The following ESR1 variants were observed in gnomAD, a reference collection of about 807,000 sequenced individuals.
ESR1 encodes estrogen receptor 1, also known as estrogen receptor.
ESR1 carries 12 observed loss-of-function variants against 52.7 expected under a neutral mutation model. That is an observed-to-expected ratio of 0.23 (90% CI 0.15 to 0.37). The LOEUF is 0.37. Ranked by LOEUF, ESR1 falls within the 10% of genes least tolerant of loss-of-function variation. ESR1 has a pLI of 1.00. For missense variants in ESR1, 584 were observed against 779.7 expected (o/e 0.75, Z 2.99); for synonymous variants, 305 against 316.8 (o/e 0.96, Z 0.39).
chr6:151,824,606 G>T (rs1781154702), intron 1 of ESR1, among the ~76,000 whole-genome samples: 2 of 152,150 alleles, frequency 1.3e-5, no homozygotes, highest in Admixed American at 6.5e-5. Flanking sequence ...ATGGTTTTAG[G>T]TCTAACATTT....
chr6:151,728,903 A>G lies in ESR1; in HGVS notation c.-71+26898A>G, dbSNP rs566221259. On this transcript the variant is annotated intron_variant, in intron 2 of 2. Transcript: ENST00000404742. ...TACTAAAATACAGGATTTGATCTAGAAAAGGTGATGCTAAAAATGCATGTA... is the reference window on the plus strand; with the variant it reads ...TACTAAAATACAGGATTTGATCTAGGAAAGGTGATGCTAAAAATGCATGTA... Among the ~76,000 whole-genome samples the G allele has an allele frequency of 3.3e-5, 5 of 152,364 alleles. No individual in the cohort carries two copies. In the East Asian group the frequency reaches 9.6e-4, roughly 29 times the overall value.
intron 2 of ESR1, among the ~76,000 whole-genome samples, chr6:151,752,957 T>G (rs1283928409): frequency 6.6e-6 from 1 of 152,228 alleles, no homozygotes; most frequent in East Asian, 1.9e-4. Context: ...AGTCATAATT[T>G]TTTAAAAGAG....
chr6:151,832,555 C>G (rs1782616855), intron 1 of ESR1, among the ~76,000 whole-genome samples: 1 of 152,196 alleles, frequency 6.6e-6, no homozygotes, highest in Admixed American at 6.5e-5. Context: ...TTTAGATGGA[C>G]TGGGATGTTG....
intron 5 of ESR1, among the ~76,000 whole-genome samples, chr6:152,023,959 A>G (rs1346059614): frequency 1.3e-5 from 2 of 152,164 alleles, no homozygotes; most frequent in East Asian, 3.8e-4. Flanking sequence ...TCATAGAAAG[A>G]GTTTCCGTGT....
intron 1 of ESR1, among the ~76,000 whole-genome samples, chr6:151,808,834 G>T (rs1778314382): frequency 6.6e-6 from 1 of 152,122 alleles, no homozygotes; most frequent in Non-Finnish European, 1.5e-5. Flanking sequence ...TTTGTTTAAT[G>T]TGCTCCCCAA....
chr6:151,744,109 T>G (rs902404147), intron 2 of ESR1, among the ~76,000 whole-genome samples: 1 of 152,230 alleles, frequency 6.6e-6, no homozygotes, highest in African/African-American at 2.4e-5. Context: ...CTGAACACTA[T>G]TCTACTATAT....
At chr6:151,962,059 T>C (rs1190767154) in intron 4 of ESR1, among the ~76,000 whole-genome samples, 3 of 152,126 alleles carry the variant, frequency 2.0e-5, no homozygotes. Context: ...GGAGTGGATG[T>C]TGAGTGGCTA....
intron 2 of ESR1, among the ~76,000 whole-genome samples, chr6:151,757,275 G>C (rs1784364063): frequency 6.6e-6 from 1 of 151,770 alleles, no homozygotes; most frequent in Admixed American, 6.6e-5. Flanking sequence ...CAAAAACAAG[G>C]CTGTACTACT....
At chr6:152,054,311 A>G (rs2046931094) in intron 5 of ESR1, among the ~76,000 whole-genome samples, 1 of 152,028 alleles carries the variant, frequency 6.6e-6, no homozygotes, top group South Asian at 2.1e-4. Context: ...ATCCTAACAT[A>G]CAGTTCCAGA....
chr6:151,736,375 G>GTTCTTTTTTTTTTTTTTTTTTTTTT (rs748276035), intron 2 of ESR1, among the ~76,000 whole-genome samples: 3 of 112,742 alleles, frequency 2.7e-5, no homozygotes, highest in African/African-American at 7.6e-5. Flanking sequence ...TCCAGGTAGT[G>GTTCTTTTTTTTTTTTTTTTTTTTTT]TTTTTTTTTT....
intron 5 of ESR1, among the ~76,000 whole-genome samples, chr6:152,055,388 C>T (rs1361737276): frequency 6.6e-6 from 1 of 152,232 alleles, no homozygotes; most frequent in Non-Finnish European, 1.5e-5. Context: ...GCCTTTCCCT[C>T]GTGACTTAAC....
chr6:151,860,030 T>C (rs1788591264), intron 2 of ESR1, among the ~76,000 whole-genome samples: 1 of 152,180 alleles, frequency 6.6e-6, no homozygotes, highest in Non-Finnish European at 1.5e-5. Context: ...ATAGATATCT[T>C]TCTGCTCTGA....
intron 1 of ESR1, among the ~76,000 whole-genome samples, chr6:151,658,858 T>C (rs1777542704): frequency 6.6e-6 from 1 of 152,184 alleles, no homozygotes; most frequent in South Asian, 2.1e-4. Context: ...ACAAAGCTAG[T>C]AAAGCAGCCA....
At chr6:151,740,285 A>ATTTTTTTTTTTTTTTTTTTTTTTTT (rs386408967) in intron 2 of ESR1, among the ~76,000 whole-genome samples, 1 of 108,008 alleles carries the variant, frequency 9.3e-6, no homozygotes, top group Non-Finnish European at 1.8e-5. Flanking sequence ...TGCCTGGCTA[A>ATTTTTTTTTTTTTTTTTTTTTTTTT]TTTTTTTTTT....
At chr6:152,119,605 C>T (rs1470419847) in intron 6 of ESR1, among the ~76,000 whole-genome samples, 1 of 152,224 alleles carries the variant, frequency 6.6e-6, no homozygotes, top group African/African-American at 2.4e-5. Flanking sequence ...TCACCCAGCA[C>T]TCACTTGGGA....
chr6:151,999,962 C>G (rs2041820799), intron 4 of ESR1, among the ~76,000 whole-genome samples: 1 of 151,962 alleles, frequency 6.6e-6, no homozygotes, highest in Non-Finnish European at 1.5e-5. Context: ...TGTGTTTCAA[C>G]CTATAAATTT....
intron 2 of ESR1, among the ~76,000 whole-genome samples, chr6:151,770,279 A>G (rs1785407476): frequency 6.6e-6 from 1 of 152,214 alleles, no homozygotes; most frequent in African/African-American, 2.4e-5. Context: ...ATTATGCAAT[A>G]CTTGCCATAG....
intron 4 of ESR1, among the ~76,000 whole-genome samples, chr6:151,977,654 G>A (rs909699698): frequency 1.3e-5 from 2 of 152,046 alleles, no homozygotes; most frequent in South Asian, 4.2e-4. Context: ...AATGAGCCTA[G>A]AGTGGTGGTG....
At chr6:152,071,526 C>T (rs2048349796) in intron 6 of ESR1, among the ~76,000 whole-genome samples, 1 of 152,106 alleles carries the variant, frequency 6.6e-6, no homozygotes, top group African/African-American at 2.4e-5. Context: ...ATTATAATAG[C>T]GTCTACCTCA....
Sources: allele counts gnomAD v4.1 joint callset (sites outside exome capture counted in the v4.1 genomes callset), GRCh38; gene constraint gnomAD v4.1.1; transcripts MANE v1.5; gene names NCBI Gene and HGNC (gene_info 2026-07-23, HGNC 2026-07-21).